ZMYM2: variants seen among roughly 807,000 people sequenced by gnomAD.
The protein encoded by ZMYM2 is zinc finger MYM-type protein 2.
In ZMYM2, 56 loss-of-function variants were observed where a neutral mutation model predicts 162.8. The observed-to-expected ratio is 0.34, with a 90% CI of 0.28 to 0.43. The LOEUF is 0.43. ZMYM2 is among the 20% of genes least tolerant of loss of function. ZMYM2 has a pLI of 1.00. For synonymous variants in ZMYM2, 510 were observed against 541.6 expected, an observed-to-expected ratio of 0.94 and a Z score of 0.81; for missense variants, 1,275 against 1,621.8, an observed-to-expected ratio of 0.79 and a Z score of 3.67.
At chr13:19,876,253 C>T in the ZMYM2 span, among the ~76,000 whole-genome samples, 104,460 of 151,960 alleles carry the variant, frequency 0.69, 38,653 homozygotes, top group East Asian at 0.89. Flanking sequence ...TCTCAAACTC[C>T]TGACCTCCGG....
At chr13:19,897,099 A>G in the ZMYM2 span, among the ~76,000 whole-genome samples, 2 of 151,820 alleles carry the variant, frequency 1.3e-5, no homozygotes, top group Non-Finnish European at 2.9e-5. Context: ...TGCTTAGCAT[A>G]TTCATATTCA....
chr13:20,086,139 C>G lies in ZMYM2; in HGVS notation c.*125C>G. ...TGAGTTTTGTAGCAGTGTACCCACG[C>G]TGGGTATTACCATGTAAATAATCTG... On this transcript the variant is annotated 3_prime_UTR_variant, in exon 25 of 25. Coordinates refer to ENST00000610343, the MANE Select transcript of ZMYM2 (RefSeq NM_197968.4). 1 of 867,384 alleles carries G rather than the reference C, an allele frequency of 1.2e-6. No individual in the cohort carries two copies. The highest frequency in any genetic ancestry group is 1.7e-6 in the Non-Finnish European group (1 of 591,096). 53.7% of individuals were successfully genotyped at this position (867,384 alleles called of 1,614,324 possible).
At position 20,086,001 on chromosome 13, in the gene ZMYM2, A is replaced by C. The variant is rs753346014; in HGVS notation, c.4121A>C (p.Glu1374Ala). Residue 1374 changes from glutamate (E) to alanine (A), a missense_variant, in exon 25 of 25, where the codon GAA (glutamate) becomes GCA (alanine). Physicochemically the swap from Glu to Ala is moderately radical, Grantham distance 107. Transcript: ENST00000610343. ...IYDKDNYELD[E>A]DTD ...GATAAAGACAATTATGAACTGGATG[A>C]AGACACAGACTAAAAAGGAACGTTG... 1.2e-6 allele frequency: 2 copies of C among 1,613,394 alleles called. No homozygotes were observed. The highest frequency in any genetic ancestry group is 2.2e-5 in the South Asian group (2 of 91,052).
the ZMYM2 span, among the ~76,000 whole-genome samples, chr13:19,903,861 A>G: frequency 1.3e-5 from 2 of 152,126 alleles, no homozygotes; most frequent in African/African-American, 4.8e-5. Context: ...AAAAAAATTA[A>G]GAAAATTAAA....
At chr13:19,907,156 A>G in the ZMYM2 span, among the ~76,000 whole-genome samples, 1 of 152,194 alleles carries the variant, frequency 6.6e-6, no homozygotes, top group African/African-American at 2.4e-5. Context: ...TTGATTACTT[A>G]CATATTGAGT....
chr13:20,060,482 C>T (rs1363444636), intron 16 of ZMYM2, among the ~76,000 whole-genome samples: 1 of 152,112 alleles, frequency 6.6e-6, no homozygotes, highest in East Asian at 1.9e-4. Flanking sequence ...AGTTCAAGAC[C>T]AGACTGGCCA....
intron 18 of ZMYM2, among the ~76,000 whole-genome samples, 167 bp downstream of exon 18, chr13:20,063,138 T>G (rs145455519): frequency 3.3e-5 from 5 of 152,306 alleles, no homozygotes; most frequent in South Asian, 2.1e-4. Flanking sequence ...TGTTGTTGTT[T>G]TTTTTTAAAA....
chr13:20,007,940 AGT>A (rs1346622235), intron 6 of ZMYM2, among the ~76,000 whole-genome samples: 1 of 151,866 alleles, frequency 6.6e-6, no homozygotes, highest in Non-Finnish European at 1.5e-5. Context: ...TTAAGGTGTG[AGT>A]TATATAGTAG....
chr13:19,883,587 C>T, the ZMYM2 span, among the ~76,000 whole-genome samples: 2 of 152,032 alleles, frequency 1.3e-5, no homozygotes, highest in Non-Finnish European at 2.9e-5. Context: ...TAAGCCCAGG[C>T]TATGTTTATT....
At position 20,089,010 on chromosome 13, in the gene ZMYM2, GT is replaced by G. The variant is rs772682658; in HGVS notation, c.*3001del. 2.0e-5 allele frequency: 4 copies of G among 197,964 alleles called. No homozygotes were observed. The highest frequency in any genetic ancestry group is 6.1e-5 in the Admixed American group (1 of 16,520). The allele number at this position is 197,964 out of a possible 1,614,324, so 12.3% of individuals were successfully genotyped here. On this transcript the variant is annotated 3_prime_UTR_variant, in exon 25 of 25. Transcript: ENST00000610343. ...ATGTATTGTTATACATGTCACTTAT[GT>G]TTTTAAGCTAATATTGACTGTAGGA...
At chr13:19,864,272 G>T in the ZMYM2 span, 54 of 155,068 alleles carry the variant, frequency 3.5e-4, 1 homozygote, top group Admixed American at 1.5e-3. Context: ...CGCGCCCCGT[G>T]GGGAATAGTC....
chr13:19,968,524 A>G (rs1956013767), intron 2 of ZMYM2, among the ~76,000 whole-genome samples: 1 of 152,186 alleles, frequency 6.6e-6, no homozygotes, highest in African/African-American at 2.4e-5. Context: ...GGCCTCCCAA[A>G]GTGCTGGGAT....
chr13:19,918,153 C>G, the ZMYM2 span, among the ~76,000 whole-genome samples: 1 of 152,072 alleles, frequency 6.6e-6, no homozygotes, highest in South Asian at 2.1e-4. Context: ...AATTTTAAAA[C>G]CTTTTTATTG....
At chr13:20,075,767 C>T (rs1398819125) in intron 21 of ZMYM2, among the ~76,000 whole-genome samples, 4 of 140,508 alleles carry the variant, frequency 2.8e-5, no homozygotes, top group South Asian at 2.3e-4. Flanking sequence ...ATGCAATCTC[C>T]GCTTCCTGGG....
At chr13:20,015,722 G>A (rs2140115862) in intron 6 of ZMYM2, among the ~76,000 whole-genome samples, 1 of 152,156 alleles carries the variant, frequency 6.6e-6, no homozygotes, top group African/African-American at 2.4e-5. Flanking sequence ...CCTTTGTTCA[G>A]TATGTATTTT....
the ZMYM2 span, among the ~76,000 whole-genome samples, chr13:19,921,716 A>G: frequency 6.6e-6 from 1 of 152,120 alleles, no homozygotes; most frequent in Non-Finnish European, 1.5e-5. Flanking sequence ...TTCTTTTCAA[A>G]TTTAGGTCTT....
the ZMYM2 span, among the ~76,000 whole-genome samples, chr13:19,925,849 C>T: frequency 3.0e-4 from 42 of 139,996 alleles, no homozygotes; most frequent in South Asian, 2.3e-4. Flanking sequence ...CCAACCCAGG[C>T]GACAGAGCAA....
intron 7 of ZMYM2, chr13:20,025,052 T>A (rs892690668): frequency 4.7e-6 from 1 of 213,052 alleles, no homozygotes; most frequent in Non-Finnish European, 9.5e-6. Context: ...TTTTTTTATT[T>A]TTACCTTCCA....
intron 2 of ZMYM2, among the ~76,000 whole-genome samples, chr13:19,986,358 A>G (rs1009198227): frequency 9.3e-5 from 14 of 149,920 alleles, no homozygotes; most frequent in African/African-American, 2.8e-4. Context: ...ATCTCAGAAA[A>G]AACAAACAAA....
Sources: gnomAD v4.1 joint callset for allele counts (sites outside exome capture counted in the v4.1 genomes callset) on GRCh38, gnomAD v4.1.1 for gene constraint, MANE v1.5 for transcripts, NCBI Gene and HGNC (gene_info 2026-07-23, HGNC 2026-07-21) for gene names.